Variants in VPS35L observed in about 807,000 individuals in gnomAD.
VPS35L encodes VPS35 endosomal protein sorting factor like.
VPS35L carries 83 observed loss-of-function variants against 133.0 expected under a neutral mutation model. That is an observed-to-expected ratio of 0.62 (90% CI 0.52 to 0.75). The LOEUF (loss-of-function observed/expected upper bound fraction) is 0.75. Ranked by LOEUF, VPS35L falls within the 30% of genes least tolerant of loss-of-function variation. The pLI, the probability that VPS35L is intolerant of heterozygous loss-of-function variation, is 0.00. For synonymous variants in VPS35L, 423 were observed against 449.9 expected (o/e 0.94, Z 0.76); for missense variants, 1,083 against 1,206.8 (o/e 0.90, Z 1.52).
intron 28 of VPS35L, among the ~76,000 whole-genome samples, chr16:19,685,246 A>G (rs1271828675): frequency 6.6e-6 from 1 of 152,182 alleles, no homozygotes; most frequent in Non-Finnish European, 1.5e-5. Context: ...CCTGACTTCT[A>G]GCATTATTTA....
intron 7 of VPS35L, among the ~76,000 whole-genome samples, chr16:19,589,423 T>C (rs756144581): frequency 2.6e-5 from 4 of 152,104 alleles, no homozygotes; most frequent in Non-Finnish European, 5.9e-5. Context: ...TTTGTATTTT[T>C]TGTAGAAACT....
At chr16:19,569,230 CCCTT>C in intron 2 of VPS35L, 190 bp from the exon 3 acceptor site, 1 of 737,114 alleles carries the variant, frequency 1.4e-6, no homozygotes, top group Non-Finnish European at 2.4e-6. Flanking sequence ...TTCCTACTTT[CCCTT>C]CCTTGACAGT....
At chr16:19,575,701 GA>G (rs1567393046) in intron 5 of VPS35L, among the ~76,000 whole-genome samples, 1 of 121,234 alleles carries the variant, frequency 8.2e-6, no homozygotes, top group Non-Finnish European at 1.8e-5. Flanking sequence ...CATTTCTACT[GA>G]AAATACAAAA....
chr16:19,647,867 T>C lies in VPS35L; in HGVS notation c.2013T>C (p.Leu671=). 6.2e-7 allele frequency: 1 copy of C among 1,613,192 alleles called. No individual in the cohort carries two copies. Among genetic ancestry groups the C allele is most frequent in the Non-Finnish European group, 8.5e-7 (1 of 1,179,146 alleles). The change falls in exon 24 of 31, where the codon CTT becomes CTC. Residue 671 remains leucine (L), a synonymous_variant. Coordinates refer to ENST00000417362, the MANE Select transcript of VPS35L (RefSeq NM_020314.7). ...TGTTTTGCAATCTGGAGCCTGTTCTTGTGCAGTTGATTCATGTAAGTATTT... is the reference window on the plus strand; with the variant it reads ...TGTTTTGCAATCTGGAGCCTGTTCTCGTGCAGTTGATTCATGTAAGTATTT... ...RSMFCNLEPV[L]VQLIHSVNRL...
intron 2 of VPS35L, 99 bp from the exon 3 acceptor site, chr16:19,569,325 T>C: frequency 7.6e-7 from 1 of 1,313,792 alleles, no homozygotes; most frequent in Non-Finnish European, 1.1e-6. Flanking sequence ...AAATGAACCA[T>C]CCATTCAACT....
At position 19,656,901 on chromosome 16, in the gene VPS35L, G is replaced by A. The variant is rs559171009; in HGVS notation, c.2221+4811G>A. 9.9e-5 allele frequency among the ~76,000 whole-genome samples: 15 copies of A among 151,486 alleles called. 1 individual carries two copies. The highest frequency in any genetic ancestry group is 8.3e-4 in the South Asian group (4 of 4,798). On this transcript the variant is annotated intron_variant, in intron 26 of 30. Transcript: ENST00000417362. Reference sequence around the variant, plus strand: ...GATGAATTATGCTAAAAAGACTTGCGGTTCCTCCAAAGCTGAAACAAGATA... The same window carrying A: ...GATGAATTATGCTAAAAAGACTTGCAGTTCCTCCAAAGCTGAAACAAGATA...
At chr16:19,608,151 T>C (rs1459038823) in intron 9 of VPS35L, 27 bp from the exon 10 acceptor site, 1 of 1,542,652 alleles carries the variant, frequency 6.5e-7, no homozygotes, top group African/African-American at 1.4e-5. Flanking sequence ...TTAGGAGGGC[T>C]GATGGATCTT....
chr16:19,641,219 C>T (rs1270710249), intron 21 of VPS35L, among the ~76,000 whole-genome samples: 1 of 152,002 alleles, frequency 6.6e-6, no homozygotes, highest in East Asian at 1.9e-4. Context: ...CACCCACCTC[C>T]ACGTCCGGCT....
At chr16:19,582,837 T>C (rs1971751169) in intron 7 of VPS35L, among the ~76,000 whole-genome samples, 1 of 152,152 alleles carries the variant, frequency 6.6e-6, no homozygotes, top group African/African-American at 2.4e-5. Context: ...ATAGTAACGA[T>C]TCAACAATAC....
intron 9 of VPS35L, among the ~76,000 whole-genome samples, chr16:19,607,218 AT>A (rs1382854776): frequency 5.3e-5 from 8 of 152,224 alleles, no homozygotes; most frequent in African/African-American, 1.4e-4. Flanking sequence ...AAAACTCAAA[AT>A]AACAGTAATG....
At position 19,576,734 on chromosome 16, in the gene VPS35L, A is replaced by ATT. The variant is rs34954224; in HGVS notation, c.433+1625_433+1626dup. Among the ~76,000 whole-genome samples, 53 of 146,328 alleles carry ATT rather than the reference A, an allele frequency of 3.6e-4. 1 individual carries two copies. The East Asian group carries it at 5.2e-3, about 14-fold the overall frequency. On this transcript the variant is annotated intron_variant, in intron 5 of 30. Coordinates refer to ENST00000417362, the MANE Select transcript of VPS35L (RefSeq NM_020314.7). ...TGGGAACAGCTTTGTTATGCATAGA[A>ATT]TTTTTTTTTTTTTTGAGATGGAATT... is the stretch of plus-strand genomic sequence containing the variant.
At chr16:19,608,112 C>T (rs760199353) in intron 9 of VPS35L, 66 bp from the exon 10 acceptor site, 20 of 1,198,616 alleles carry the variant, frequency 1.7e-5, no homozygotes, top group South Asian at 6.1e-5. Flanking sequence ...AATGTATTCC[C>T]ATCCAGGGAC....
At chr16:19,647,929 G>GAGAGA in intron 24 of VPS35L, 47 bp downstream of exon 24, 1 of 1,418,118 alleles carries the variant, frequency 7.1e-7, no homozygotes, top group Non-Finnish European at 1.0e-6. Context: ...AATATTTATT[G>GAGAGA]ATCATCTACA....
At chr16:19,601,434 G>A (rs1972380143) in intron 8 of VPS35L, among the ~76,000 whole-genome samples, 1 of 152,078 alleles carries the variant, frequency 6.6e-6, no homozygotes, top group Admixed American at 6.5e-5. Context: ...ATTCCAAAGG[G>A]TAAAACGATC....
Position 19,669,281 on chromosome 16 carries a change from T to C in VPS35L, c.2343T>C (p.Ser781=), listed in dbSNP as rs746521004. 2 of 1,612,186 alleles carry C rather than the reference T, an allele frequency of 1.2e-6. No individual in the cohort carries two copies. The highest frequency in any genetic ancestry group is 1.1e-5 in the South Asian group (1 of 90,842). Residue 781 remains serine (S), a synonymous_variant, in exon 27 of 31, where the codon TCT becomes TCC. Transcript: ENST00000417362. The part of the protein sequence containing the change: ...FLLEFLCNFF[S]TLLIVPDHPE... Reference sequence around the variant, plus strand: ...TGGAATTCCTCTGCAATTTCTTTTCTACTTTATTAATAGTTCCGGTACGTT... The same window carrying C: ...TGGAATTCCTCTGCAATTTCTTTTCCACTTTATTAATAGTTCCGGTACGTT...
At chr16:19,679,938 C>T (rs1975209603) in intron 27 of VPS35L, among the ~76,000 whole-genome samples, 2 of 152,212 alleles carry the variant, frequency 1.3e-5, no homozygotes, top group Non-Finnish European at 2.9e-5. Flanking sequence ...AATGGCAATG[C>T]TGCTCATACT....
chr16:19,578,237 C>A, intron 5 of VPS35L: 1 of 447,520 alleles, frequency 2.2e-6, no homozygotes, highest in Non-Finnish European at 4.4e-6. Flanking sequence ...GTCAGGCTTA[C>A]AAAAAGAGTT....
intron 1 of VPS35L, among the ~76,000 whole-genome samples, chr16:19,562,382 G>A (rs1299869448): frequency 1.3e-5 from 2 of 152,126 alleles, no homozygotes; most frequent in African/African-American, 4.8e-5. Flanking sequence ...AAATCCAATA[G>A]CTGAGCACTA....
intron 14 of VPS35L, among the ~76,000 whole-genome samples, chr16:19,621,118 G>C (rs920229805): frequency 6.6e-6 from 1 of 152,114 alleles, no homozygotes; most frequent in Non-Finnish European, 1.5e-5. Flanking sequence ...ATGGAGAAGA[G>C]AGGGCCATCT....
Sources: gnomAD v4.1 joint callset for allele counts (sites outside exome capture counted in the v4.1 genomes callset) on GRCh38, gnomAD v4.1.1 for gene constraint, MANE v1.5 for transcripts, NCBI Gene and HGNC (gene_info 2026-07-23, HGNC 2026-07-21) for gene names.